Variants in CCT7 observed in about 807,000 individuals in gnomAD.
CCT7 encodes T-complex protein 1 subunit eta.
Under a neutral mutation model 56.6 loss-of-function variants are expected in CCT7, and 16 were observed. The ratio of observed to expected loss-of-function variants is 0.28; its 90% CI spans 0.19 to 0.43. CCT7 has a LOEUF of 0.43. Ranked by LOEUF, CCT7 falls within the 20% of genes least tolerant of loss-of-function variation. The pLI, the probability that CCT7 is intolerant of heterozygous loss-of-function variation, is 1.00. For synonymous variants in CCT7, 262 were observed against 254.8 expected (o/e 1.03, Z -0.27); for missense variants, 519 against 685.6 (o/e 0.76, Z 2.71).
chr2:73,248,124 A>G (rs561792685), intron 7 of CCT7, among the ~76,000 whole-genome samples, 198 bp downstream of exon 7: 1 of 152,234 alleles, frequency 6.6e-6, no homozygotes, highest in East Asian at 1.9e-4. Context: ...GATAGGGAAC[A>G]CCTGTTGAAA....
intron 7 of CCT7, among the ~76,000 whole-genome samples, chr2:73,248,324 C>G (rs1468175804): frequency 6.6e-6 from 1 of 151,290 alleles, no homozygotes; most frequent in African/African-American, 2.4e-5. Flanking sequence ...ATGTCACCCA[C>G]CTTTGAGCAG....
chr2:73,248,936 C>T lies in CCT7; in HGVS notation c.784-55C>T, dbSNP rs567325076. 27 of 1,441,940 alleles carry T rather than the reference C, an allele frequency of 1.9e-5. 3 individuals carry two copies. The South Asian group carries it at 2.5e-4, about 13-fold the overall frequency. 89.3% of individuals were successfully genotyped at this position (1,441,940 alleles called of 1,614,324 possible). The stretch of plus-strand genomic sequence containing the variant: ...GGCAGATGGGTATATTTTACCCTAC[C>T]GTATATGTCAACCTTCACCCCAAAG... On this transcript the variant is annotated intron_variant, in intron 7 of 11. Transcript: ENST00000258091.
rs370822523 is a variant in CCT7, at chr2:73,240,473, T to A, written c.197T>A (p.Leu66Gln). 2 of 1,612,574 alleles carry A rather than the reference T, an allele frequency of 1.2e-6. No homozygotes were observed. The highest frequency in any genetic ancestry group is 1.7e-6 in the Non-Finnish European group (2 of 1,179,118). ...ATTTCTAATGATGGGGCCACAATTC[T>A]GAAACTTCTTGATGTTGTCCATCCT... ...ATISNDGATI[L>Q]KLLDVVHPAA... The change falls in exon 3 of 12, where the codon CTG becomes CAG. Residue 66 changes from leucine (L) to glutamine (Q), a missense_variant. This residue lies in a region of CCT7 where 276 missense variants were observed against 357.3 expected (regional missense o/e 0.77). Transcript: ENST00000258091.
Position 73,252,617 on chromosome 2 carries a change from CCTTT to C in CCT7, c.1411-18_1411-15del, listed in dbSNP as rs1455457394. The C allele has an allele frequency of 6.3e-7, 1 of 1,575,120 alleles. No homozygotes were observed. The highest frequency in any genetic ancestry group is 1.1e-5 in the South Asian group (1 of 90,166). ...AGTTGAAAGTAGTTCCATATTACCTCCTTTCTTTTCCTACTCTTTTAGGGGGGTA... is the reference window on the plus strand; with the variant it reads ...AGTTGAAAGTAGTTCCATATTACCTCCTTTTCCTACTCTTTTAGGGGGGTA... On this transcript the variant is annotated intron_variant, in intron 11 of 11. Transcript: ENST00000258091.
chr2:73,249,086 C>T lies in CCT7; in HGVS notation c.879C>T (p.Leu293=). ...HSGAKVVLSK[L]PIGDVATQYF... ...GAGCCAAAGTTGTCTTGTCCAAACT[C>T]CCCATTGGGGATGTGGCCACCCAGT... Residue 293 remains leucine, a synonymous_variant, in exon 8 of 12, where the codon CTC becomes CTT. Coordinates refer to ENST00000258091, the MANE Select transcript of CCT7 (RefSeq NM_006429.4). 1 of 1,614,152 alleles carries T rather than the reference C, an allele frequency of 6.2e-7. No homozygotes were observed. The highest frequency in any genetic ancestry group is 8.5e-7 in the Non-Finnish European group (1 of 1,180,012).
intron 9 of CCT7, 59 bp from the exon 10 acceptor site, chr2:73,250,247 A>G (rs1387081015): frequency 5.0e-6 from 8 of 1,604,068 alleles, no homozygotes; most frequent in South Asian, 4.5e-5. Flanking sequence ...AGTGAGGACA[A>G]TACAGTAGGA....
Position 73,252,887 on chromosome 2 carries a change from GGCTGGCTGCT to G in CCT7, c.*28_*37del. On this transcript the variant is annotated 3_prime_UTR_variant, in exon 12 of 12. Coordinates refer to ENST00000258091, the MANE Select transcript of CCT7 (RefSeq NM_006429.4). ...GAGGCACCCCACCCATCACATGGCT[GGCTGGCTGCT>G]GGGTGCACTTACCCTCCTTGGCTTG... is the stretch of plus-strand genomic sequence containing the variant. 6.3e-7 allele frequency: 1 copy of G among 1,584,636 alleles called. No homozygotes were observed. The highest frequency in any genetic ancestry group is 8.6e-7 in the Non-Finnish European group (1 of 1,156,404).
intron 7 of CCT7, among the ~76,000 whole-genome samples, chr2:73,248,374 G>A (rs1687434645): frequency 6.6e-6 from 1 of 151,192 alleles, no homozygotes; most frequent in African/African-American, 2.4e-5. Context: ...CCTTTAAGAC[G>A]GAGTCTCGCT....
At chr2:73,239,871 T>C in intron 2 of CCT7, 75 bp downstream of exon 2, 1 of 1,313,948 alleles carries the variant, frequency 7.6e-7, no homozygotes, top group African/African-American at 1.5e-5. Context: ...CTAGCATAGG[T>C]TGGTATCAGA....
Position 73,243,095 on chromosome 2 carries a change from T to C in CCT7, c.359T>C (p.Ile120Thr). 1 of 1,614,010 alleles carries C rather than the reference T, an allele frequency of 6.2e-7. No individual in the cohort carries two copies. The change falls in exon 4 of 12, where the codon ATC becomes ACC. Residue 120 changes from isoleucine to threonine, a missense_variant. Physicochemically the swap from Ile to Thr is moderately conservative, Grantham distance 89. Coordinates refer to ENST00000258091, the MANE Select transcript of CCT7 (RefSeq NM_006429.4). ...GTGGAGGAAGGTTTACACCCCCAGA[T>C]CATCATTCGAGCTTTCCGCACAGCC... is the stretch of plus-strand genomic sequence containing the variant. ...PYVEEGLHPQ[I>T]IIRAFRTATQ... is the part of the protein sequence containing the mutation.
Position 73,252,641 on chromosome 2 carries a change from G to A in CCT7, c.1412G>A (p.Gly471Glu). The A allele has an allele frequency of 6.2e-7, 1 of 1,612,334 alleles. No individual in the cohort carries two copies. Among genetic ancestry groups the A allele is most frequent in the Non-Finnish European group, 8.5e-7 (1 of 1,178,432 alleles). ...TCCTTTCTTTTCCTACTCTTTTAGG[G>A]GGGTACATGGTATGGAGTAGACATC... ...LNKLRARHAQ[G>E]GTWYGVDINN... The change falls in exon 12 of 12, where the codon GGG (glycine) becomes GAG (glutamate). Residue 471 changes from glycine (G) to glutamate (E), a missense_variant and splice_region_variant. Gly to Glu is a moderately conservative substitution (Grantham distance 98). Coordinates refer to ENST00000258091, the MANE Select transcript of CCT7 (RefSeq NM_006429.4).
chr2:73,246,688 C>A (rs1248187251), intron 6 of CCT7, among the ~76,000 whole-genome samples: 1 of 152,160 alleles, frequency 6.6e-6, no homozygotes, highest in Non-Finnish European at 1.5e-5. Flanking sequence ...TTCTTACCCT[C>A]TAAATTCTAG....
intron 7 of CCT7, among the ~76,000 whole-genome samples, chr2:73,248,758 C>T (rs1393845418): frequency 2.6e-5 from 4 of 152,164 alleles, no homozygotes; most frequent in African/African-American, 9.7e-5. Context: ...AGCTGTGGTT[C>T]TCAGCCTTGG....
chr2:73,244,223 C>T lies in CCT7; in HGVS notation c.446+174C>T, dbSNP rs1864487. ...CCTTTGTCAGAACCTTGACTGACTTCCTGTGGCCAAATTGGATGCAGAAGC... is the reference window on the plus strand; with the variant it reads ...CCTTTGTCAGAACCTTGACTGACTTTCTGTGGCCAAATTGGATGCAGAAGC... On this transcript the variant is annotated intron_variant, in intron 5 of 11. Transcript: ENST00000258091. The T allele has an allele frequency of 2.7e-3, 1,831 of 683,852 alleles. 30 individuals are homozygous for T. In the African/African-American group the frequency reaches 0.027, roughly 10 times the overall value. 42.4% of individuals were successfully genotyped at this position (683,852 alleles called of 1,614,324 possible).
intron 1 of CCT7, among the ~76,000 whole-genome samples, chr2:73,238,102 C>T (rs761408504): frequency 1.3e-5 from 2 of 152,018 alleles, no homozygotes; most frequent in Non-Finnish European, 2.9e-5. Flanking sequence ...GGGTATTTTT[C>T]GTTTTCTTTT....
At chr2:73,245,091 C>G (rs1247300203) in intron 6 of CCT7, among the ~76,000 whole-genome samples, 1 of 152,174 alleles carries the variant, frequency 6.6e-6, no homozygotes, top group Non-Finnish European at 1.5e-5. Context: ...GCTTGCCCTT[C>G]TTTCATTCAT....
At position 73,240,477 on chromosome 2, in the gene CCT7, A is replaced by G; in HGVS notation, c.201A>G (p.Lys67=). Residue 67 remains lysine, a synonymous_variant, in exon 3 of 12, where the codon AAA becomes AAG. Transcript: ENST00000258091. ...TISNDGATIL[K]LLDVVHPAAK... ...CTAATGATGGGGCCACAATTCTGAAACTTCTTGATGTTGTCCATCCTGCAG... is the reference window on the plus strand; with the variant it reads ...CTAATGATGGGGCCACAATTCTGAAGCTTCTTGATGTTGTCCATCCTGCAG... 6.2e-7 allele frequency: 1 copy of G among 1,612,604 alleles called. No homozygotes were observed. The highest frequency in any genetic ancestry group is 8.5e-7 in the Non-Finnish European group (1 of 1,179,144).
At position 73,248,983 on chromosome 2, in the gene CCT7, C is replaced by T. The variant is rs1226322341; in HGVS notation, c.784-8C>T. ...AAAGCATTCTCATCCTTTTCTGGGT[C>T]TCTCCAGGATTATCAGGCAATTGTT... On this transcript the variant is annotated splice_polypyrimidine_tract_variant and splice_region_variant and intron_variant, in intron 7 of 11. Coordinates refer to ENST00000258091, the MANE Select transcript of CCT7 (RefSeq NM_006429.4). 6.2e-7 allele frequency: 1 copy of T among 1,605,466 alleles called. No homozygotes were observed. Among genetic ancestry groups the T allele is most frequent in the Non-Finnish European group, 8.5e-7 (1 of 1,174,696 alleles).
At chr2:73,251,462 G>GT in intron 11 of CCT7, 30 bp downstream of exon 11, 5 of 514,186 alleles carry the variant, frequency 9.7e-6, no homozygotes, top group Non-Finnish European at 1.9e-5. Context: ...AGGGTTCAGG[G>GT]TTTGGGCGGG....
Sources: allele counts gnomAD v4.1 joint callset (sites outside exome capture counted in the v4.1 genomes callset), GRCh38; gene constraint gnomAD v4.1.1; regional missense constraint gnomAD v4.1.1; transcripts MANE v1.5; gene names NCBI Gene and HGNC (gene_info 2026-07-23, HGNC 2026-07-21).